Variants in TNNI3K observed in about 807,000 individuals in gnomAD.
TNNI3K encodes the protein serine/threonine-protein kinase TNNI3K.
In TNNI3K, 140 loss-of-function variants were observed where a neutral mutation model predicts 114.5. The observed-to-expected ratio is 1.22, with a 90% CI of 1.07 to 1.41. The LOEUF (loss-of-function observed/expected upper bound fraction) is 1.41, where lower values mean the gene tolerates loss of function less well. Among genes scored for constraint, TNNI3K ranks in the 40% most tolerant of loss-of-function variants. TNNI3K has a pLI of 0.00. For synonymous variants in TNNI3K, 347 were observed against 347.5 expected (o/e 1.00, Z 0.02); for missense variants, 1,125 against 1,007.6 (o/e 1.12, Z -1.58).
At chr1:74,488,850 A>C (rs944450402) in intron 21 of TNNI3K, among the ~76,000 whole-genome samples, 1 of 152,200 alleles carries the variant, frequency 6.6e-6, no homozygotes, top group Non-Finnish European at 1.5e-5. Flanking sequence ...AGGCACTGAG[A>C]TAGTTAATAG....
chr1:74,266,810 C>T (rs1366726398), intron 4 of TNNI3K, among the ~76,000 whole-genome samples: 1 of 151,858 alleles, frequency 6.6e-6, no homozygotes, highest in Non-Finnish European at 1.5e-5. Flanking sequence ...ATGGCTAGTA[C>T]AGAGTTGCAG....
intron 21 of TNNI3K, chr1:74,465,066 C>A: frequency 1.0e-6 from 1 of 974,712 alleles, no homozygotes; most frequent in Non-Finnish European, 1.2e-6. Context: ...ATGTCAAGCA[C>A]CTATTCTAGA....
Position 74,467,117 on chromosome 1 carries a change from G to A in TNNI3K, c.2121+3567G>A, listed in dbSNP as rs537384500. Among the ~76,000 whole-genome samples the A allele has an allele frequency of 9.2e-5, 14 of 152,160 alleles. No homozygotes were observed. The South Asian group carries it at 2.5e-3, about 27-fold the overall frequency. On this transcript the variant is annotated intron_variant, in intron 21 of 24. Transcript: ENST00000326637. ...AAACAGTAGTTTTCTGAAAGAAGGC[G>A]GCTTGGTGAGAAAGAAAAACAGTCT...
At chr1:74,399,111 A>G (rs897780727) in intron 17 of TNNI3K, among the ~76,000 whole-genome samples, 9 of 148,872 alleles carry the variant, frequency 6.0e-5, no homozygotes, top group African/African-American at 2.2e-4. Flanking sequence ...AGCCGCCCAG[A>G]TCATGCCATT....
chr1:74,450,113 G>T (rs905622915), intron 20 of TNNI3K, among the ~76,000 whole-genome samples: 18 of 137,046 alleles, frequency 1.3e-4, no homozygotes, highest in African/African-American at 3.9e-4. Context: ...ACTCAAAGCC[G>T]CTCAACTACA....
At chr1:74,446,751 C>G (rs1666705869) in intron 20 of TNNI3K, among the ~76,000 whole-genome samples, 2 of 143,494 alleles carry the variant, frequency 1.4e-5, no homozygotes, top group South Asian at 2.3e-4. Context: ...TTTCAGCTTT[C>G]TACATATGGC....
chr1:74,321,598 T>C (rs958617230), intron 5 of TNNI3K, among the ~76,000 whole-genome samples: 1 of 151,918 alleles, frequency 6.6e-6, no homozygotes, highest in African/African-American at 2.4e-5. Flanking sequence ...TTTATATAAC[T>C]GATGAAATTA....
At chr1:74,285,882 C>T (rs1040334200) in intron 5 of TNNI3K, among the ~76,000 whole-genome samples, 3 of 151,992 alleles carry the variant, frequency 2.0e-5, no homozygotes, top group African/African-American at 7.3e-5. Flanking sequence ...GTCTTAATAC[C>T]TATAAAAAGT....
At chr1:74,353,751 A>G (rs1661510484) in intron 10 of TNNI3K, among the ~76,000 whole-genome samples, 1 of 152,084 alleles carries the variant, frequency 6.6e-6, no homozygotes, top group South Asian at 2.1e-4. Flanking sequence ...CTATAATTGT[A>G]CTGAGGAAAA....
rs535340208 is a variant in TNNI3K, at chr1:74,417,891, T to TA, written c.1773-18183dup. ...AAGTTTTTAAGTAAAATGTGGCTGC[T>TA]AAAAAATAAAAATCTAAAAATTACA... On this transcript the variant is annotated intron_variant, in intron 17 of 24. Transcript: ENST00000326637. Among the ~76,000 whole-genome samples, 6 of 152,124 alleles carry TA rather than the reference T, an allele frequency of 3.9e-5. No homozygotes were observed. In the East Asian group the frequency reaches 9.7e-4, roughly 25 times the overall value.
chr1:74,405,155 T>C (rs1260535103), intron 17 of TNNI3K, among the ~76,000 whole-genome samples: 3 of 152,142 alleles, frequency 2.0e-5, no homozygotes, highest in Non-Finnish European at 4.4e-5. Context: ...AAAGAGATGG[T>C]GGCTAAGTTT....
At chr1:74,386,507 GA>G (rs1553139849) in intron 17 of TNNI3K, among the ~76,000 whole-genome samples, 1 of 151,812 alleles carries the variant, frequency 6.6e-6, no homozygotes, top group Non-Finnish European at 1.5e-5. Context: ...CAGTAACTCA[GA>G]AAAAATACAA....
At chr1:74,515,257 A>G (rs752700065) in intron 23 of TNNI3K, among the ~76,000 whole-genome samples, 36 of 152,198 alleles carry the variant, frequency 2.4e-4, no homozygotes, top group Admixed American at 7.9e-4. Context: ...GAGCTTAGGA[A>G]GAAAACAAAC....
chr1:74,351,433 C>T (rs1455320747), intron 9 of TNNI3K, among the ~76,000 whole-genome samples: 8 of 151,852 alleles, frequency 5.3e-5, no homozygotes, highest in Middle Eastern at 3.4e-3. Context: ...GTGAATCTGA[C>T]AATTATGTGT....
intron 20 of TNNI3K, among the ~76,000 whole-genome samples, chr1:74,445,842 C>T (rs1242970003): frequency 1.3e-5 from 2 of 152,096 alleles, no homozygotes; most frequent in East Asian, 3.9e-4. Flanking sequence ...GATCTCCTGA[C>T]CTCGTGATCC....
chr1:74,449,857 G>A (rs1389441420), intron 20 of TNNI3K, among the ~76,000 whole-genome samples: 1 of 146,922 alleles, frequency 6.8e-6, no homozygotes, highest in Non-Finnish European at 1.5e-5. Context: ...GAGACAGAAA[G>A]TCAACAAGGA....
At chr1:74,376,266 C>T (rs962821952) in intron 17 of TNNI3K, among the ~76,000 whole-genome samples, 2 of 151,896 alleles carry the variant, frequency 1.3e-5, no homozygotes, top group Non-Finnish European at 2.9e-5. Flanking sequence ...ATATAAAATT[C>T]CTGCATGTAA....
intron 20 of TNNI3K, among the ~76,000 whole-genome samples, chr1:74,461,234 AC>A (rs1667441562): frequency 6.6e-6 from 1 of 152,186 alleles, no homozygotes; most frequent in South Asian, 2.1e-4. Flanking sequence ...TAATCCCAGC[AC>A]TTTGGGAGGC....
intron 6 of TNNI3K, among the ~76,000 whole-genome samples, chr1:74,333,255 G>A (rs549120484): frequency 6.6e-6 from 1 of 152,282 alleles, no homozygotes; most frequent in African/African-American, 2.4e-5. Flanking sequence ...TGTGAAGCGT[G>A]ACCTATAGGT....
Sources: gnomAD v4.1 joint callset for allele counts (sites outside exome capture counted in the v4.1 genomes callset) on GRCh38, gnomAD v4.1.1 for gene constraint, MANE v1.5 for transcripts, NCBI Gene and HGNC (gene_info 2026-07-23, HGNC 2026-07-21) for gene names.